HSPA12A: variants seen among roughly 807,000 people sequenced by gnomAD.
HSPA12A encodes heat shock 70 kDa protein 12A.
In HSPA12A, 28 loss-of-function variants were observed where a neutral mutation model predicts 69.2. The ratio of observed to expected loss-of-function variants is 0.40; its 90% CI spans 0.30 to 0.55. The LOEUF is 0.55. Among genes scored for constraint, HSPA12A ranks in the 20% least tolerant of loss-of-function variants. HSPA12A has a pLI of 0.38. For synonymous variants in HSPA12A, 345 were observed against 370.5 expected, an observed-to-expected ratio of 0.93 and a Z score of 0.79; for missense variants, 686 against 900.7, an observed-to-expected ratio of 0.76 and a Z score of 3.05.
At chr10:116,709,218 G>A (rs1554882813) in intron 1 of HSPA12A, among the ~76,000 whole-genome samples, 2 of 152,184 alleles carry the variant, frequency 1.3e-5, no homozygotes, top group African/African-American at 4.8e-5. Context: ...AGGCCAAGGT[G>A]GGCAGATCAC....
intron 1 of HSPA12A, among the ~76,000 whole-genome samples, chr10:116,836,705 GAC>G (rs1485512761): frequency 6.6e-6 from 1 of 151,812 alleles, no homozygotes; most frequent in East Asian, 1.9e-4. Context: ...GGATTTTTAA[GAC>G]ACAGAATTTC....
At position 116,676,319 on chromosome 10, in the gene HSPA12A, C is replaced by A. The variant is rs558267646; in HGVS notation, c.1390+80G>T. On this transcript the variant is annotated intron_variant, in intron 11 of 11. Transcript: ENST00000369209. Reference sequence around the variant, plus strand: ...ATCCAGGCCAACCTGACTCCACAGGCACCAGCTGGTGATGCTGGGAAAGCC... The same window carrying A: ...ATCCAGGCCAACCTGACTCCACAGGAACCAGCTGGTGATGCTGGGAAAGCC... The A allele has an allele frequency of 1.8e-5, 21 of 1,182,962 alleles. No individual in the cohort carries two copies. In the East Asian group the frequency reaches 1.9e-4, roughly 11 times the overall value. The allele number at this position is 1,182,962 out of a possible 1,614,324, so 73.3% of individuals were successfully genotyped here.
At chr10:116,752,452 A>G (rs2133088406) in intron 2 of HSPA12A, among the ~76,000 whole-genome samples, 1 of 152,246 alleles carries the variant, frequency 6.6e-6, no homozygotes, top group East Asian at 1.9e-4. Context: ...TCCGTCAATC[A>G]TTCTCTCCTT....
chr10:116,732,146 C>A (rs781911181), intron 1 of HSPA12A, among the ~76,000 whole-genome samples: 1 of 151,820 alleles, frequency 6.6e-6, no homozygotes, highest in Non-Finnish European at 1.5e-5. Flanking sequence ...GCCTGGCCAA[C>A]GTGATGAAAC....
chr10:116,766,798 A>C (rs1156393829), intron 2 of HSPA12A, among the ~76,000 whole-genome samples: 1 of 152,200 alleles, frequency 6.6e-6, no homozygotes, highest in Admixed American at 6.5e-5. Flanking sequence ...CTCTGGCCGC[A>C]TCATTTAATA....
Position 116,679,607 on chromosome 10 carries a change from G to A in HSPA12A, c.1182C>T (p.Ala394=), listed in dbSNP as rs782389933. 10 of 1,614,250 alleles carry A rather than the reference G, an allele frequency of 6.2e-6. No individual in the cohort carries two copies. Among genetic ancestry groups the A allele is most frequent in the South Asian group, 2.2e-5 (2 of 91,084 alleles). Residue 394 remains alanine (A), a synonymous_variant, in exon 10 of 12, where the codon GCC becomes GCT. Coordinates refer to ENST00000369209, the MANE Select transcript of HSPA12A (RefSeq NM_025015.3). ...IAFESRKRAA[A]PDRTNPLNIT... is the part of the protein sequence containing the mutation. ...TGTTCAGCGGGTTAGTTCTGTCTGG[G>A]GCAGCCGCCCTTTTGCGAGACTCAA...
At chr10:116,821,340 C>T (rs1845406486) in intron 2 of HSPA12A, among the ~76,000 whole-genome samples, 1 of 152,130 alleles carries the variant, frequency 6.6e-6, no homozygotes, top group African/African-American at 2.4e-5. Context: ...CTTAGCACAG[C>T]CCTTCCTTCG....
rs782081359 is a variant in HSPA12A at position 116,701,175 on chromosome 10, C to A, written c.255-46G>T. The A allele has an allele frequency of 3.2e-5, 50 of 1,579,990 alleles. No homozygotes were observed. In the South Asian group the frequency reaches 5.6e-4, roughly 18 times the overall value. On this transcript the variant is annotated intron_variant, in intron 3 of 11. Transcript: ENST00000369209. ...AGTTATGGGGCCTTCTTTCAAAATCCCAATTCAGGCAGCACAGATTTGAAC... is the reference window on the plus strand; with the variant it reads ...AGTTATGGGGCCTTCTTTCAAAATCACAATTCAGGCAGCACAGATTTGAAC...
In HSPA12A at chr10:116,673,270, T is replaced by G. The variant is rs917304666; in HGVS notation, c.*1511A>C. 1 of 152,092 alleles carries G rather than the reference T, an allele frequency of 6.6e-6. No individual in the cohort carries two copies. Among genetic ancestry groups the G allele is most frequent in the Non-Finnish European group, 1.5e-5 (1 of 68,036 alleles). The allele number at this position is 152,092 out of a possible 1,614,324, so 9.4% of individuals were successfully genotyped here. A position where few individuals can be genotyped will look rare whatever the true frequency, so the allele number is the denominator to read the frequency against. On this transcript the variant is annotated 3_prime_UTR_variant, in exon 12 of 12. Coordinates refer to ENST00000369209, the MANE Select transcript of HSPA12A (RefSeq NM_025015.3). ...CAGTTGGTTCCTCAGTCAGCTCCGT[T>G]CTTGGTGTCGCTTTCTTGCAATTTT...
chr10:116,740,637 CGTGTGTGTGTGTGTGTGTGTGT>C (rs60427815), intron 1 of HSPA12A, among the ~76,000 whole-genome samples: 1 of 137,680 alleles, frequency 7.3e-6, no homozygotes, highest in Non-Finnish European at 1.5e-5. Flanking sequence ...CTCCCAGCAC[CGTGTGTGTGTGTGTGTGTGTGT>C]GTGTGTGTGT....
chr10:116,701,832 G>C (rs1242364235), intron 3 of HSPA12A, among the ~76,000 whole-genome samples: 1 of 152,192 alleles, frequency 6.6e-6, no homozygotes, highest in Non-Finnish European at 1.5e-5. Flanking sequence ...AGGCTGAGGA[G>C]AACCCTGGGG....
At chr10:116,679,901 A>C (rs1849355934) in intron 9 of HSPA12A, 140 bp from the exon 10 acceptor site, 1 of 767,080 alleles carries the variant, frequency 1.3e-6, no homozygotes, top group East Asian at 2.6e-5. Flanking sequence ...CTTACACTTC[A>C]GAACCCTGCG....
At chr10:116,799,922 A>G (rs1844919422) in intron 2 of HSPA12A, among the ~76,000 whole-genome samples, 1 of 152,162 alleles carries the variant, frequency 6.6e-6, no homozygotes, top group East Asian at 1.9e-4. Context: ...ACCTCTCCCT[A>G]TGTGCCATTT....
chr10:116,793,731 G>T (rs571028755), intron 2 of HSPA12A, among the ~76,000 whole-genome samples: 2 of 151,822 alleles, frequency 1.3e-5, no homozygotes, highest in South Asian at 4.2e-4. Flanking sequence ...TAATTTCTAG[G>T]ACAATCACTA....
At chr10:116,849,774 C>T (rs578055420), upstream of HSPA12A, 3 of 1,465,974 alleles carry the variant, frequency 2.0e-6, no homozygotes, top group Non-Finnish European at 2.7e-6. Flanking sequence ...CAACCCCTCT[C>T]CCCCCGCCCC....
upstream of HSPA12A, chr10:116,849,789 T>G: frequency 6.9e-7 from 1 of 1,450,130 alleles, no homozygotes; most frequent in Non-Finnish European, 9.2e-7. Context: ...CGCCCCGCGC[T>G]GCGGCAACGC....
At chr10:116,800,321 G>T (rs1844927321) in intron 2 of HSPA12A, among the ~76,000 whole-genome samples, 1 of 151,682 alleles carries the variant, frequency 6.6e-6, no homozygotes, top group African/African-American at 2.4e-5. Context: ...CCCCTGGCTG[G>T]CTCCATCATG....
chr10:116,787,440 C>CAAAAAAAA (rs776783179), intron 2 of HSPA12A, among the ~76,000 whole-genome samples: 3 of 68,618 alleles, frequency 4.4e-5, no homozygotes, highest in Admixed American at 1.7e-4. Flanking sequence ...CTCTAGCCAG[C>CAAAAAAAA]AAAAAAAAAA....
chr10:116,813,483 G>A (rs1056224104), intron 2 of HSPA12A, among the ~76,000 whole-genome samples: 2 of 151,800 alleles, frequency 1.3e-5, no homozygotes, highest in African/African-American at 2.4e-5. Flanking sequence ...TCCTGACCTC[G>A]TGATCCACCC....
Sources: allele counts gnomAD v4.1 joint callset (sites outside exome capture counted in the v4.1 genomes callset), GRCh38; gene constraint gnomAD v4.1.1; transcripts MANE v1.5; gene names NCBI Gene and HGNC (gene_info 2026-07-23, HGNC 2026-07-21).